NAPA: variants seen among roughly 807,000 people sequenced by gnomAD.
NAPA encodes NSF attachment protein alpha, also known as alpha-soluble NSF attachment protein.
NAPA carries 18 observed loss-of-function variants against 48.0 expected under a neutral mutation model. That is an observed-to-expected ratio of 0.38 (90% CI 0.26 to 0.56). The LOEUF (loss-of-function observed/expected upper bound fraction) is 0.56. Among genes scored for constraint, NAPA ranks in the 20% least tolerant of loss-of-function variants. The pLI is 0.77. For missense variants in NAPA, 315 were observed against 385.0 expected (o/e 0.82, Z 1.52); for synonymous variants, 152 against 149.9 (o/e 1.01, Z -0.10).
At chr19:47,500,556 G>A (rs1408674097) in intron 3 of NAPA, 77 bp downstream of exon 3, 19 of 1,244,632 alleles carry the variant, frequency 1.5e-5, no homozygotes, top group Non-Finnish European at 2.0e-5. Context: ...GAGCCGCCAG[G>A]AAACCTGAGG....
In NAPA at chr19:47,488,383, C is replaced by T; in HGVS notation, c.793G>A (p.Glu265Lys). The T allele has an allele frequency of 6.2e-7, 1 of 1,612,640 alleles. No individual in the cohort carries two copies. Among genetic ancestry groups the T allele is most frequent in the Non-Finnish European group, 8.5e-7 (1 of 1,178,978 alleles). Reference sequence around the variant, plus strand: ...TCCAGCCGGGAGATGGAGTCGTATTCCTTCACCTGAGGGCACACCAGGTGA... The same window carrying T: ...TCCAGCCGGGAGATGGAGTCGTATTTCTTCACCTGAGGGCACACCAGGTGA... Reference protein sequence around the residue: ...NVDSYTESVKEYDSISRLDQW... With the variant: ...NVDSYTESVKKYDSISRLDQW... Residue 265 changes from glutamate to lysine, a missense_variant, in exon 11 of 11, where the codon GAA (glutamate) becomes AAA (lysine). Glu to Lys is a moderately conservative substitution (Grantham distance 56, BLOSUM62 1). Transcript: ENST00000263354.
At chr19:47,486,129 CG>C (rs1968069783), downstream of NAPA, among the ~76,000 whole-genome samples, 1 of 152,078 alleles carries the variant, frequency 6.6e-6, no homozygotes, top group South Asian at 2.1e-4. Context: ...CTGAGGCAGG[CG>C]GATCAACTGA....
chr19:47,514,814 CCCGG>C (rs1261389034), intron 1 of NAPA, 25 bp downstream of exon 1: 1 of 1,605,308 alleles, frequency 6.2e-7, no homozygotes, highest in Non-Finnish European at 8.5e-7. Context: ...CAGCCTAGGT[CCCGG>C]CCGACCCCTC....
At chr19:47,503,567 C>G (rs1968630332) in intron 1 of NAPA, 65 bp from the exon 2 acceptor site, 5 of 1,486,932 alleles carry the variant, frequency 3.4e-6, no homozygotes, top group East Asian at 2.3e-5. Context: ...AGCAAGCATT[C>G]TGCTCCAGTG....
intron 1 of NAPA, among the ~76,000 whole-genome samples, chr19:47,511,709 A>G (rs908810152): frequency 6.6e-6 from 1 of 152,176 alleles, no homozygotes; most frequent in African/African-American, 2.4e-5. Flanking sequence ...AAATAAGTCA[A>G]CTTCTCTAAG....
At position 47,493,263 on chromosome 19, in the gene NAPA, C is replaced by T; in HGVS notation, c.421-89G>A. 3 of 1,496,230 alleles carry T rather than the reference C, an allele frequency of 2.0e-6. No individual in the cohort carries two copies. The highest frequency in any genetic ancestry group is 4.5e-5 in the East Asian group (2 of 44,066). 92.7% of individuals were successfully genotyped at this position (1,496,230 alleles called of 1,614,324 possible). A position where few individuals can be genotyped will look rare whatever the true frequency, so the allele number is the denominator to read the frequency against. On this transcript the variant is annotated intron_variant, in intron 5 of 10. Transcript: ENST00000263354. This position sits in a 1 kb window ranked among gnomAD's most constrained non-coding sequence, Gnocchi z 6.4. ...GCTTCCACACCCTCCGCCCTGCCTG[C>T]CTGGGACACAGCCAGACCCCATTCT...
In NAPA at chr19:47,506,038, C is replaced by T. The variant is rs1187983648; in HGVS notation, c.99-2536G>A. On this transcript the variant is annotated intron_variant, in intron 1 of 10. Coordinates refer to ENST00000263354, the MANE Select transcript of NAPA (RefSeq NM_003827.4). This position sits in a 1 kb window ranked among gnomAD's most constrained non-coding sequence, Gnocchi z 4.0. The stretch of plus-strand genomic sequence containing the variant: ...TTGAGATGGAGTTTCGCTCTTGTCG[C>T]CCAGGCTGGAGTACAGTGGCACGAT... 2.0e-5 allele frequency among the ~76,000 whole-genome samples: 3 copies of T among 148,806 alleles called. No homozygotes were observed. The highest frequency in any genetic ancestry group is 2.0e-4 in the East Asian group (1 of 5,110).
At chr19:47,504,397 C>CAAAAAAA (rs11367620) in intron 1 of NAPA, among the ~76,000 whole-genome samples, 14 of 57,162 alleles carry the variant, frequency 2.4e-4, no homozygotes, top group African/African-American at 2.5e-4. Flanking sequence ...GACCTTGTCT[C>CAAAAAAA]AAAAAAAAAA....
Position 47,490,060 on chromosome 19 carries a change from G to GGT in NAPA, c.736-301_736-300dup, listed in dbSNP as rs58641405. Reference sequence around the variant, plus strand: ...TGTGTTGGGTGTGGTGTGTGGTGGAGGTGTGTGTGTGTGTGGTGTGTGTGT... The same window carrying GGT: ...TGTGTTGGGTGTGGTGTGTGGTGGAGGTGTGTGTGTGTGTGTGGTGTGTGTGT... On this transcript the variant is annotated intron_variant, in intron 9 of 10. Coordinates refer to ENST00000263354, the MANE Select transcript of NAPA (RefSeq NM_003827.4). Among the ~76,000 whole-genome samples, 1,179 of 148,410 alleles carry GGT rather than the reference G, an allele frequency of 7.9e-3. 8 individuals carry two copies. The highest frequency in any genetic ancestry group is 0.027 in the African/African-American group (1,097 of 40,230).
chr19:47,489,653 G>A lies in NAPA; in HGVS notation c.786+58C>T, dbSNP rs1968184594. On this transcript the variant is annotated intron_variant, in intron 10 of 10. Transcript: ENST00000263354. ...ATGGAGAGCGTGTCTGAGAAGGGCA[G>A]CTTTCCTAGGAGACCCATCCCCGTG... is the stretch of plus-strand genomic sequence containing the variant. The A allele has an allele frequency of 3.1e-6, 5 of 1,588,780 alleles. No individual in the cohort carries two copies. In the South Asian group the frequency reaches 5.5e-5, roughly 18 times the overall value.
intron 1 of NAPA, 81 bp downstream of exon 1, chr19:47,514,762 T>C: frequency 1.5e-6 from 2 of 1,371,020 alleles, no homozygotes; most frequent in Non-Finnish European, 2.0e-6. Context: ...GAGCTCTGCG[T>C]GCCCTAACCC....
At chr19:47,513,173 A>G (rs1968837664) in intron 1 of NAPA, among the ~76,000 whole-genome samples, 1 of 151,926 alleles carries the variant, frequency 6.6e-6, no homozygotes, top group African/African-American at 2.4e-5. Context: ...CTCTGCCCAG[A>G]GCCTCATGCT....
At chr19:47,507,326 C>T (rs1968712156) in intron 1 of NAPA, among the ~76,000 whole-genome samples, 1 of 152,204 alleles carries the variant, frequency 6.6e-6, no homozygotes, top group African/African-American at 2.4e-5. Context: ...CTGGGCACTG[C>T]CAGGAATACA....
At chr19:47,513,846 C>CTTTTTTTTTTTTT (rs776314156) in intron 1 of NAPA, among the ~76,000 whole-genome samples, 9 of 115,854 alleles carry the variant, frequency 7.8e-5, no homozygotes, top group South Asian at 2.6e-4. Flanking sequence ...TTCTTTCTTT[C>CTTTTTTTTTTTTT]TTTTTTTTTT....
At chr19:47,490,078 G>A (rs1207641274) in intron 9 of NAPA, among the ~76,000 whole-genome samples, 3 of 150,504 alleles carry the variant, frequency 2.0e-5, no homozygotes, top group Non-Finnish European at 4.4e-5. Context: ...TGTGTGTGGT[G>A]TGTGTGTTGG....
chr19:47,507,726 T>A (rs1188342946), intron 1 of NAPA, among the ~76,000 whole-genome samples: 1 of 152,184 alleles, frequency 6.6e-6, no homozygotes, highest in Non-Finnish European at 1.5e-5. Context: ...TAATCACGGC[T>A]GGCGCATGGC....
chr19:47,489,876 G>T, intron 9 of NAPA, 115 bp from the exon 10 acceptor site: 1 of 1,025,482 alleles, frequency 9.8e-7, no homozygotes, highest in Non-Finnish European at 1.5e-6. Context: ...GCTTCCTGAG[G>T]ACTCTCAGAG....
intron 1 of NAPA, among the ~76,000 whole-genome samples, chr19:47,508,082 C>G (rs1260540782): frequency 6.6e-6 from 1 of 152,176 alleles, no homozygotes; most frequent in Admixed American, 6.5e-5. Context: ...CCTCATCTCA[C>G]GAGCAGAGGC....
At chr19:47,489,638 T>C (rs186956885) in intron 10 of NAPA, 73 bp downstream of exon 10, 5 of 1,517,416 alleles carry the variant, frequency 3.3e-6, no homozygotes, top group Non-Finnish European at 4.6e-6. Flanking sequence ...ATGGAGAGCG[T>C]GTCTGAGAAG....
Sources: gnomAD v4.1 joint callset for allele counts (sites outside exome capture counted in the v4.1 genomes callset) on GRCh38, gnomAD v4.1.1 for gene constraint, Gnocchi (gnomAD v3.1) non-coding constraint, MANE v1.5 for transcripts, NCBI Gene and HGNC (gene_info 2026-07-23, HGNC 2026-07-21) for gene names.